SEC11A: variants seen among roughly 807,000 people sequenced by gnomAD.
The protein encoded by SEC11A is signal peptidase complex catalytic subunit SEC11A.
SEC11A carries 14 observed loss-of-function variants against 25.6 expected under a neutral mutation model. That is an observed-to-expected ratio of 0.55 (90% confidence interval 0.36 to 0.85). The LOEUF is 0.85. Ranked by LOEUF, SEC11A falls within the 40% of genes least tolerant of loss-of-function variation. SEC11A has a pLI of 0.01. For synonymous variants in SEC11A, 83 were observed against 76.4 expected (o/e 1.09, Z -0.45); for missense variants, 153 against 222.9 (o/e 0.69, Z 2.00).
intron 1 of SEC11A, among the ~76,000 whole-genome samples, chr15:84,696,567 T>C (rs1463867050): frequency 6.6e-6 from 1 of 152,152 alleles, no homozygotes; most frequent in Non-Finnish European, 1.5e-5. Context: ...CCATAATCCC[T>C]TACTCAAAAC....
At chr15:84,670,283 CT>C (rs1896949184) in intron 5 of SEC11A, 10 of 367,142 alleles carry the variant, frequency 2.7e-5, no homozygotes, top group Non-Finnish European at 4.3e-5. Flanking sequence ...TTGAGACAGT[CT>C]CACTTTGTCA....
At chr15:84,706,826 A>G (rs1389058797) in intron 1 of SEC11A, among the ~76,000 whole-genome samples, 1 of 152,186 alleles carries the variant, frequency 6.6e-6, no homozygotes, top group Non-Finnish European at 1.5e-5. Flanking sequence ...AGAGTTAGCC[A>G]AAAAGAAATC....
chr15:84,674,052 G>A (rs1897072379), intron 4 of SEC11A, among the ~76,000 whole-genome samples: 1 of 152,082 alleles, frequency 6.6e-6, no homozygotes, highest in Admixed American at 6.5e-5. Flanking sequence ...CAATTTTAGT[G>A]TGAGATGCAC....
chr15:84,705,374 C>T (rs1898064951), intron 1 of SEC11A, among the ~76,000 whole-genome samples: 2 of 152,310 alleles, frequency 1.3e-5, no homozygotes, highest in Admixed American at 6.5e-5. Flanking sequence ...ATGGCACCAG[C>T]TAGGTGGCAA....
intron 1 of SEC11A, among the ~76,000 whole-genome samples, chr15:84,695,394 C>T (rs1214389353): frequency 1.3e-5 from 2 of 148,582 alleles, no homozygotes; most frequent in African/African-American, 2.5e-5. Flanking sequence ...ACCTGGGAGG[C>T]GGAGGTTGCA....
chr15:84,704,753 T>G (rs1459575351), intron 1 of SEC11A, among the ~76,000 whole-genome samples: 1 of 152,160 alleles, frequency 6.6e-6, no homozygotes, highest in Non-Finnish European at 1.5e-5. Context: ...CAAATGGTAT[T>G]GCCATGATAG....
intron 1 of SEC11A, among the ~76,000 whole-genome samples, chr15:84,693,902 A>T (rs1214098144): frequency 6.6e-6 from 1 of 152,198 alleles, no homozygotes; most frequent in East Asian, 1.9e-4. Flanking sequence ...TTTTCAAGTG[A>T]TTCAGCAAAA....
At chr15:84,687,584 CA>C in intron 3 of SEC11A, 40 bp downstream of exon 3, 1 of 1,494,792 alleles carries the variant, frequency 6.7e-7, no homozygotes, top group Non-Finnish European at 8.9e-7. Flanking sequence ...AACACTTAAA[CA>C]AAAGCACTTA....
chr15:84,713,741 T>C (rs1242967858), intron 1 of SEC11A, among the ~76,000 whole-genome samples: 1 of 152,338 alleles, frequency 6.6e-6, no homozygotes, highest in African/African-American at 2.4e-5. Flanking sequence ...TATATCTCTA[T>C]GCTTTAGAGC....
In SEC11A at chr15:84,688,026, CTTAAA is replaced by C. The variant is rs534684981; in HGVS notation, c.162-257_162-253del. On this transcript the variant is annotated intron_variant, in intron 2 of 5. Coordinates refer to ENST00000268220, the MANE Select transcript of SEC11A (RefSeq NM_014300.4). ...TTTCAAGTATCACTAGTCAAAGAAG[CTTAAA>C]TCTTGAAAAGGTCAGTGTTACTAAT... is the stretch of plus-strand genomic sequence containing the variant. 4.6e-3 allele frequency among the ~76,000 whole-genome samples: 707 copies of C among 152,310 alleles called. 4 individuals carry two copies. Among genetic ancestry groups the C allele is most frequent in the African/African-American group, 0.016 (681 of 41,578 alleles).
intron 1 of SEC11A, among the ~76,000 whole-genome samples, chr15:84,705,974 C>T (rs997948360): frequency 2.6e-5 from 4 of 151,876 alleles, no homozygotes; most frequent in Middle Eastern, 3.4e-3. Flanking sequence ...TGCAGTGGCA[C>T]GATCTCAGCT....
At chr15:84,705,668 A>G (rs1388718418) in intron 1 of SEC11A, among the ~76,000 whole-genome samples, 1 of 151,896 alleles carries the variant, frequency 6.6e-6, no homozygotes, top group Non-Finnish European at 1.5e-5. Context: ...TAGCCTGGTC[A>G]ACATGGTGAA....
At chr15:84,681,638 A>G (rs1897286179) in intron 3 of SEC11A, among the ~76,000 whole-genome samples, 2 of 152,182 alleles carry the variant, frequency 1.3e-5, no homozygotes, top group South Asian at 4.1e-4. Context: ...CCAAAACGAA[A>G]AAAACAAAAA....
At chr15:84,715,449 G>A (rs1203083661) in intron 1 of SEC11A, among the ~76,000 whole-genome samples, 1 of 152,178 alleles carries the variant, frequency 6.6e-6, no homozygotes, top group African/African-American at 2.4e-5. Context: ...GAGGGCTGCC[G>A]CCTTAGTGCT....
rs762818149 is a variant in SEC11A, at chr15:84,715,996, C to T, written c.51+29G>A. 3.1e-6 allele frequency: 5 copies of T among 1,610,752 alleles called. No individual in the cohort carries two copies. The African/African-American group carries it at 6.7e-5, about 22-fold the overall frequency. Reference sequence around the variant, plus strand: ...GCAGCCTCGAAGGGACAAGAAGAGCCAGGAGAAAAAGAGGACGGACAAGCT... The same window carrying T: ...GCAGCCTCGAAGGGACAAGAAGAGCTAGGAGAAAAAGAGGACGGACAAGCT... On this transcript the variant is annotated intron_variant, in intron 1 of 5. Transcript: ENST00000268220.
Position 84,716,119 on chromosome 15 carries a change from T to C in SEC11A, c.-44A>G, listed in dbSNP as rs371154872. ...GACACCGGCAGGGGAAAGGGCGCGA[T>C]GACCAGCGGGCGGAACTACTGGAGC... is the stretch of plus-strand genomic sequence containing the variant. On this transcript the variant is annotated 5_prime_UTR_variant, in exon 1 of 6. Transcript: ENST00000268220. 2 of 1,597,412 alleles carry C rather than the reference T, an allele frequency of 1.3e-6. No individual in the cohort carries two copies. Among genetic ancestry groups the C allele is most frequent in the Admixed American group, 3.4e-5 (2 of 59,594 alleles).
At chr15:84,711,137 C>CTT (rs1259468143) in intron 1 of SEC11A, among the ~76,000 whole-genome samples, 9 of 151,910 alleles carry the variant, frequency 5.9e-5, no homozygotes, top group Non-Finnish European at 1.0e-4. Flanking sequence ...AATCCCAGCT[C>CTT]TTTGGGAGGC....
In SEC11A at chr15:84,673,469, CTT is replaced by C. The variant is rs572692473; in HGVS notation, c.432-2689_432-2688del. On this transcript the variant is annotated intron_variant, in intron 4 of 5. Coordinates refer to ENST00000268220, the MANE Select transcript of SEC11A (RefSeq NM_014300.4). ...AAAGAACTCCCCTCACTTCCTGTCT[CTT>C]GTCTTCACCCCTCTCTGTCCTCTCC... The C allele has an allele frequency of 3.4e-3, 607 of 177,208 alleles. 3 individuals are homozygous for C. The highest frequency in any genetic ancestry group is 0.014 in the African/African-American group (573 of 41,740). 11.0% of individuals were successfully genotyped at this position (177,208 alleles called of 1,614,324 possible).
intron 1 of SEC11A, among the ~76,000 whole-genome samples, chr15:84,710,621 G>C (rs1898232354): frequency 6.6e-6 from 1 of 152,184 alleles, no homozygotes; most frequent in Non-Finnish European, 1.5e-5. Flanking sequence ...CTGGGCGACA[G>C]AGCAAGATTC....
Sources: gnomAD v4.1 joint callset for allele counts (sites outside exome capture counted in the v4.1 genomes callset) on GRCh38, gnomAD v4.1.1 for gene constraint, MANE v1.5 for transcripts, NCBI Gene and HGNC (gene_info 2026-07-23, HGNC 2026-07-21) for gene names.